KIRREL3: variants seen among roughly 807,000 people sequenced by gnomAD.
KIRREL3 encodes kirre like nephrin family adhesion molecule 3.
A neutral mutation model predicts 89.7 loss-of-function variants in KIRREL3; 36 were observed. The observed-to-expected ratio is 0.40, with a 90% CI of 0.31 to 0.53. KIRREL3 has a LOEUF of 0.53. KIRREL3 is among the 20% of genes least tolerant of loss of function. The probability of loss-of-function intolerance (pLI) is 0.49; values close to 1 mark genes in which losing one functional copy is unlikely to be tolerated. For missense variants in KIRREL3, 864 were observed against 1,056.6 expected (o/e 0.82, Z 2.53); for synonymous variants, 445 against 441.4 (o/e 1.01, Z -0.10).
chr11:126,784,017 C>T (rs1950406461), intron 1 of KIRREL3, among the ~76,000 whole-genome samples: 2 of 152,138 alleles, frequency 1.3e-5, no homozygotes, highest in African/African-American at 2.4e-5. Flanking sequence ...AACAAATCCC[C>T]ATCGAGGGAC....
intron 1 of KIRREL3, among the ~76,000 whole-genome samples, chr11:126,815,209 C>A (rs1400891318): frequency 6.6e-6 from 1 of 152,204 alleles, no homozygotes; most frequent in Admixed American, 6.5e-5. Context: ...ATTTCCATAA[C>A]AACCTTTAGC....
intron 2 of KIRREL3, among the ~76,000 whole-genome samples, chr11:126,540,428 C>T (rs527838976): frequency 1.1e-4 from 17 of 152,330 alleles, no homozygotes; most frequent in Non-Finnish European, 1.5e-4. Flanking sequence ...CTCCCAGCCT[C>T]GCACTTCTCT....
rs146300580 is a variant in KIRREL3 at position 126,521,904 on chromosome 11, C to T, written c.284-440G>A. Among the ~76,000 whole-genome samples the T allele has an allele frequency of 2.0e-4, 30 of 152,132 alleles. No individual in the cohort carries two copies. The highest frequency in any genetic ancestry group is 3.3e-4 in the Admixed American group (5 of 15,270). ...GGACTACAGACATGCACCACCACGT[C>T]GGCTAATTTTTTTATCTTTTGTAGA... On this transcript the variant is annotated intron_variant, in intron 3 of 16. Transcript: ENST00000525144. This position sits in a 1 kb window ranked among gnomAD's most constrained non-coding sequence, Gnocchi z 4.1.
At chr11:126,436,726 C>T in intron 12 of KIRREL3, 85 bp downstream of exon 12, 2 of 1,460,002 alleles carry the variant, frequency 1.4e-6, no homozygotes, top group Non-Finnish European at 1.9e-6. Context: ...GCCCACCTTG[C>T]AGCCACCCGC....
At chr11:126,856,244 A>G (rs1944502531) in intron 1 of KIRREL3, among the ~76,000 whole-genome samples, 2 of 152,094 alleles carry the variant, frequency 1.3e-5, no homozygotes, top group South Asian at 4.2e-4. Flanking sequence ...ACAAACACAT[A>G]ACCAGGATGG....
rs1045799060 is a variant in KIRREL3 at position 126,705,857 on chromosome 11, G to A, written c.56-142945C>T. ...TAAAATGTTGAGAAAGTGATGCTGC[G>A]TAACTTCTGGGAAAAACTTTAAGAG... On this transcript the variant is annotated intron_variant, in intron 1 of 16. Transcript: ENST00000525144. This position sits in a 1 kb window ranked among gnomAD's most constrained non-coding sequence, Gnocchi z 4.3. 4.6e-5 allele frequency among the ~76,000 whole-genome samples: 7 copies of A among 152,170 alleles called. No individual in the cohort carries two copies. Among genetic ancestry groups the A allele is most frequent in the East Asian group, 1.9e-4 (1 of 5,198 alleles).
rs1377600408 is a variant in KIRREL3, at chr11:127,000,044, C to T, written c.55+411G>A. Among the ~76,000 whole-genome samples the T allele has an allele frequency of 6.6e-6, 1 of 152,072 alleles. No individual in the cohort carries two copies. Among genetic ancestry groups the T allele is most frequent in the Non-Finnish European group, 1.5e-5 (1 of 68,010 alleles). ...CAAACCCTATTCAAGCTGAAATATCCACCTAAACCAAGCTCTCCCTCCCTG... is the reference window on the plus strand; with the variant it reads ...CAAACCCTATTCAAGCTGAAATATCTACCTAAACCAAGCTCTCCCTCCCTG... On this transcript the variant is annotated intron_variant, in intron 1 of 16. Coordinates refer to ENST00000525144, the MANE Select transcript of KIRREL3 (RefSeq NM_032531.4). This position sits in a 1 kb window ranked among gnomAD's most constrained non-coding sequence, Gnocchi z 7.1.
At chr11:126,961,700 A>T (rs1317981664) in intron 1 of KIRREL3, among the ~76,000 whole-genome samples, 2 of 152,260 alleles carry the variant, frequency 1.3e-5, no homozygotes, top group East Asian at 3.8e-4. Flanking sequence ...GCTACACTCA[A>T]CAACAGACTT....
upstream of KIRREL3, among the ~76,000 whole-genome samples, chr11:127,002,574 A>G (rs1215074138): frequency 6.6e-6 from 1 of 152,210 alleles, no homozygotes; most frequent in African/African-American, 2.4e-5. Context: ...AAATAACTCT[A>G]TGTATAGCGC....
rs1361336567 is a variant in KIRREL3, at chr11:126,851,289, G to A, written c.55+149166C>T. ...ATGTGCTGGTGGTTCACTGGAAAATGTCTGAGACCAGAGGTCAGAGCATCA... is the reference window on the plus strand; with the variant it reads ...ATGTGCTGGTGGTTCACTGGAAAATATCTGAGACCAGAGGTCAGAGCATCA... On this transcript the variant is annotated intron_variant, in intron 1 of 16. Transcript: ENST00000525144. Among the ~76,000 whole-genome samples, 6 of 152,210 alleles carry A rather than the reference G, an allele frequency of 3.9e-5. No individual in the cohort carries two copies. The East Asian group carries it at 9.6e-4, about 24-fold the overall frequency.
intron 4 of KIRREL3, among the ~76,000 whole-genome samples, chr11:126,480,457 T>A (rs1478977024): frequency 6.6e-6 from 1 of 152,202 alleles, no homozygotes; most frequent in Non-Finnish European, 1.5e-5. Flanking sequence ...TTTTATAGGT[T>A]AAGAAGCTGA....
At position 126,571,455 on chromosome 11, in the gene KIRREL3, C is replaced by G. The variant is rs1940925412; in HGVS notation, c.56-8543G>C. Among the ~76,000 whole-genome samples the G allele has an allele frequency of 6.6e-6, 1 of 152,232 alleles. No homozygotes were observed. The highest frequency in any genetic ancestry group is 1.5e-5 in the Non-Finnish European group (1 of 68,040). ...TGCCCCTCTCCCTTGGCCAGCATCA[C>G]CAAGTGTCTGCCACCTGGGACCAGG... On this transcript the variant is annotated intron_variant, in intron 1 of 16. Coordinates refer to ENST00000525144, the MANE Select transcript of KIRREL3 (RefSeq NM_032531.4). The surrounding 1 kb of genome is among the most constrained non-coding windows in gnomAD (Gnocchi z 7.7).
rs1955077932 is a variant in KIRREL3, at chr11:126,430,180, C to T, written c.1697-892G>A. ...TTCTTGAGGAGCTGGTGCGGTGGCT[C>T]ACGCCTGTAATCCCAGCACATTGGG... On this transcript the variant is annotated intron_variant, in intron 14 of 16. Coordinates refer to ENST00000525144, the MANE Select transcript of KIRREL3 (RefSeq NM_032531.4). The surrounding 1 kb of genome is among the most constrained non-coding windows in gnomAD (Gnocchi z 6.6). 6.6e-6 allele frequency among the ~76,000 whole-genome samples: 1 copy of T among 151,636 alleles called. No individual in the cohort carries two copies. The highest frequency in any genetic ancestry group is 2.1e-4 in the South Asian group (1 of 4,810).
At position 126,814,097 on chromosome 11, in the gene KIRREL3, C is replaced by A. The variant is rs1951482381; in HGVS notation, c.55+186358G>T. Among the ~76,000 whole-genome samples the A allele has an allele frequency of 6.6e-6, 1 of 151,900 alleles. No individual in the cohort carries two copies. Among genetic ancestry groups the A allele is most frequent in the Admixed American group, 6.6e-5 (1 of 15,258 alleles). ...ACCCGGTTAAAAAGTTGGCAAAGGA[C>A]ATGAACAGACACTTCTCAAAAGAAG... is the stretch of plus-strand genomic sequence containing the variant. On this transcript the variant is annotated intron_variant, in intron 1 of 16. Transcript: ENST00000525144. This position sits in a 1 kb window ranked among gnomAD's most constrained non-coding sequence, Gnocchi z 4.4.
intron 2 of KIRREL3, among the ~76,000 whole-genome samples, chr11:126,542,576 G>A (rs76744330): frequency 0.015 from 2,213 of 152,268 alleles, 51 homozygotes; most frequent in African/African-American, 0.05. Context: ...ACTCAGCTGA[G>A]GGGAGAACAT....
At chr11:126,681,827 C>A (rs1252176644) in intron 1 of KIRREL3, 2 of 450,816 alleles carry the variant, frequency 4.4e-6, no homozygotes, top group African/African-American at 4.0e-5. Context: ...CCTGAGGAAT[C>A]TGCGTTTCAG....
At chr11:126,543,026 C>T (rs1191605276) in intron 2 of KIRREL3, among the ~76,000 whole-genome samples, 1 of 152,120 alleles carries the variant, frequency 6.6e-6, no homozygotes, top group East Asian at 1.9e-4. Context: ...TCATCAGCCC[C>T]CATGTAGAGA....
intron 1 of KIRREL3, among the ~76,000 whole-genome samples, chr11:126,599,882 C>A (rs1276138583): frequency 1.3e-5 from 2 of 152,202 alleles, no homozygotes; most frequent in African/African-American, 4.8e-5. Context: ...CAGCCAAGGT[C>A]CCATGGTGGG....
At position 126,436,603 on chromosome 11, in the gene KIRREL3, C is replaced by T. The variant is rs577711412; in HGVS notation, c.1552+208G>A. 2.6e-5 allele frequency among the ~76,000 whole-genome samples: 4 copies of T among 152,372 alleles called. No individual in the cohort carries two copies. In the South Asian group the frequency reaches 8.3e-4, roughly 32 times the overall value. The stretch of plus-strand genomic sequence containing the variant: ...AGCTGTGTTCTTCCCTTTCTTGGTT[C>T]CTGGTGGAGGCTCGTGCCCCTTGCT... On this transcript the variant is annotated intron_variant, in intron 12 of 16. Coordinates refer to ENST00000525144, the MANE Select transcript of KIRREL3 (RefSeq NM_032531.4).
Sources: allele counts gnomAD v4.1 joint callset (sites outside exome capture counted in the v4.1 genomes callset), GRCh38; gene constraint gnomAD v4.1.1; non-coding constraint Gnocchi (gnomAD v3.1); transcripts MANE v1.5; gene names NCBI Gene and HGNC (gene_info 2026-07-23, HGNC 2026-07-21).